Variants in GK observed in about 807,000 individuals in gnomAD.
The protein encoded by GK is glycerol kinase, also known as ATP:glycerol 3-phosphotransferase.
GK carries 9 observed loss-of-function variants against 56.4 expected under a neutral mutation model. That is an observed-to-expected ratio of 0.16 (90% CI 0.10 to 0.28). The LOEUF is 0.28. GK is among the 10% of genes least tolerant of loss of function. The probability of loss-of-function intolerance (pLI) is 1.00; values close to 1 mark genes in which losing one functional copy is unlikely to be tolerated. For missense variants in GK, 161 were observed against 431.4 expected (o/e 0.37, Z 5.55); for synonymous variants, 104 against 144.1 (o/e 0.72, Z 1.99).
chrX:30,669,470 C>CCA (rs1933330919), intron 3 of GK, among the ~76,000 whole-genome samples: 1 of 111,156 alleles, frequency 9.0e-6, no homozygotes, highest in South Asian at 3.7e-4. Context: ...GCATGAGCCA[C>CCA]CGCGCCCAGC....
intron 4 of GK, among the ~76,000 whole-genome samples, chrX:30,686,119 A>AT (rs976272157): frequency 3.9e-4 from 44 of 112,674 alleles, no homozygotes; most frequent in Admixed American, 3.8e-4. Context: ...AAGAGCTGAA[A>AT]TTGGCTTCAG....
chrX:30,715,069 A>C (rs753289598), intron 13 of GK, among the ~76,000 whole-genome samples: 4 of 111,913 alleles, frequency 3.6e-5, no homozygotes, highest in Non-Finnish European at 5.6e-5. Flanking sequence ...GTATACACAA[A>C]ACTGTGTTTG....
intron 11 of GK, among the ~76,000 whole-genome samples, chrX:30,706,055 G>C (rs5971512): frequency 9.0e-6 from 1 of 111,477 alleles, no homozygotes; most frequent in African/African-American, 3.3e-5. Context: ...TTCAGTGTGC[G>C]GCAATAAAAC....
At position 30,720,757 on chromosome X, in the gene GK, T is replaced by A. The variant is rs1461631320; in HGVS notation, c.1357+16T>A. 8.3e-7 allele frequency: 1 copy of A among 1,207,568 alleles called. No individual in the cohort carries two copies. The highest frequency in any genetic ancestry group is 1.1e-6 in the Non-Finnish European group (1 of 892,724). ...ATACCAGTAGGTTAGTAAGTCTTCA[T>A]TCCTTTAAACTCCCAGAGTAATGTT... On this transcript the variant is annotated intron_variant, in intron 17 of 20. Coordinates refer to ENST00000427190, the MANE Select transcript of GK (RefSeq NM_001205019.2).
At chrX:30,706,794 C>A (rs994443041) in intron 11 of GK, among the ~76,000 whole-genome samples, 8 of 111,549 alleles carry the variant, frequency 7.2e-5, no homozygotes, top group Non-Finnish European at 1.3e-4. Context: ...TCCAACTACA[C>A]CCTCCCACAC....
Position 30,729,990 on chromosome X carries a change from A to G in GK, c.*1248A>G, listed in dbSNP as rs749292842. On this transcript the variant is annotated 3_prime_UTR_variant, in exon 21 of 21. Transcript: ENST00000427190. ...TATCAATTGTTAATAAGAAATTGCT[A>G]TCTGGGATGACAGAATTACCTCTGC... 6.2e-5 allele frequency: 7 copies of G among 112,392 alleles called. No individual in the cohort carries two copies. The highest frequency in any genetic ancestry group is 2.3e-4 in the African/African-American group (7 of 31,030). 9.3% of individuals were successfully genotyped at this position (112,392 alleles called of 1,213,427 possible).
chrX:30,696,582 AAC>A (rs774437702), intron 7 of GK, 33 bp from the exon 8 acceptor site: 99 of 959,018 alleles, frequency 1.0e-4, no homozygotes, highest in Non-Finnish European at 1.4e-4. Context: ...GTCTATTTAA[AAC>A]AGTGTTAAAT....
chrX:30,684,267 G>A (rs1934456105), intron 4 of GK, among the ~76,000 whole-genome samples: 1 of 112,223 alleles, frequency 8.9e-6, no homozygotes, highest in Non-Finnish European at 1.9e-5. Flanking sequence ...GGCCAAGTTT[G>A]CTCACTCACC....
intron 19 of GK, among the ~76,000 whole-genome samples, chrX:30,724,807 T>C (rs1185751599): frequency 8.9e-6 from 1 of 111,938 alleles, no homozygotes. Flanking sequence ...AGATGCATAG[T>C]ATTATTATTT....
At chrX:30,727,650 G>A in intron 20 of GK, 98 bp downstream of exon 20, 1 of 562,296 alleles carries the variant, frequency 1.8e-6, no homozygotes, top group East Asian at 3.6e-5. Flanking sequence ...TTCTTTCTGT[G>A]TCTAGGAAGC....
intron 3 of GK, among the ~76,000 whole-genome samples, chrX:30,677,126 G>A (rs1933965662): frequency 8.9e-6 from 1 of 112,036 alleles, no homozygotes; most frequent in Non-Finnish European, 1.9e-5. Flanking sequence ...ATTGATCTGG[G>A]TCCATCATTG....
chrX:30,657,442 G>A (rs1178531165), intron 1 of GK, among the ~76,000 whole-genome samples: 1 of 111,796 alleles, frequency 8.9e-6, no homozygotes, highest in Non-Finnish European at 1.9e-5. Flanking sequence ...TTTAAGGAGG[G>A]GCCATTTCTT....
At chrX:30,692,397 T>C (rs1445004112) in intron 5 of GK, among the ~76,000 whole-genome samples, 1 of 111,953 alleles carries the variant, frequency 8.9e-6, no homozygotes, top group South Asian at 3.7e-4. Flanking sequence ...TACCTCGCTA[T>C]TGACTTTGTG....
chrX:30,690,463 G>A (rs1283706723), intron 4 of GK, among the ~76,000 whole-genome samples: 1 of 111,447 alleles, frequency 9.0e-6, no homozygotes, highest in Middle Eastern at 4.2e-3. Flanking sequence ...TTAGAAAGTA[G>A]ATAATAGCTA....
chrX:30,663,974 TTA>T (rs1272046293), intron 1 of GK, among the ~76,000 whole-genome samples: 1 of 95,632 alleles, frequency 1.0e-5, no homozygotes, highest in Non-Finnish European at 2.0e-5. Context: ...TATATATATT[TTA>T]TATATATCTA....
At chrX:30,676,831 A>C (rs1478974741) in intron 3 of GK, among the ~76,000 whole-genome samples, 1 of 111,858 alleles carries the variant, frequency 8.9e-6, no homozygotes, top group Non-Finnish European at 1.9e-5. Flanking sequence ...GTATTGTGAC[A>C]TATTAAAAAT....
At chrX:30,668,280 G>T (rs1175761149) in intron 3 of GK, among the ~76,000 whole-genome samples, 162 bp downstream of exon 3, 1 of 112,691 alleles carries the variant, frequency 8.9e-6, no homozygotes, top group Non-Finnish European at 1.9e-5. Flanking sequence ...TTGTCCTCAT[G>T]GAGCTTTTAT....
chrX:30,659,837 C>T (rs1932610824), intron 1 of GK, among the ~76,000 whole-genome samples: 1 of 112,043 alleles, frequency 8.9e-6, no homozygotes, highest in Non-Finnish European at 1.9e-5. Flanking sequence ...CAACCTCCAC[C>T]TCCTGAGTTC....
chrX:30,723,844 G>A (rs1039612764), intron 18 of GK: 6 of 360,887 alleles, frequency 1.7e-5, no homozygotes, highest in African/African-American at 1.0e-4. Flanking sequence ...CTCCCAAAAT[G>A]CTGGGATTAC....
Sources: gnomAD v4.1 joint callset for allele counts (sites outside exome capture counted in the v4.1 genomes callset) on GRCh38, gnomAD v4.1.1 for gene constraint, MANE v1.5 for transcripts, NCBI Gene and HGNC (gene_info 2026-07-23, HGNC 2026-07-21) for gene names.